AK8: variants seen among roughly 807,000 people sequenced by gnomAD.
The protein encoded by AK8 is ATP-AMP transphosphorylase 8.
AK8 carries 44 observed loss-of-function variants against 54.6 expected under a neutral mutation model. The ratio of observed to expected loss-of-function variants is 0.81; its 90% CI spans 0.63 to 1.04. The LOEUF is 1.04. Among genes scored for constraint, AK8 ranks in the 50% least tolerant of loss-of-function variants. The pLI is 0.00. For missense variants in AK8, 555 were observed against 613.6 expected, an observed-to-expected ratio of 0.90 and a Z score of 1.01; for synonymous variants, 239 against 245.6, an observed-to-expected ratio of 0.97 and a Z score of 0.25.
Position 132,828,060 on chromosome 9 carries a change from A to G in AK8, c.509T>C (p.Val170Ala). 3 of 1,573,914 alleles carry G rather than the reference A, an allele frequency of 1.9e-6. No individual in the cohort carries two copies. In the South Asian group the frequency reaches 3.5e-5, roughly 18 times the overall value. ...HVIVLSAPDT[V>A]LIERNLGKRI... is the part of the protein sequence containing the mutation. ...CTTCCCCAAGTTTCTCTCGATCAGG[A>G]CCGTGTCTGGAGCACTCAGCACAAC... Residue 170 changes from valine (V) to alanine (A), a missense_variant, in exon 7 of 13, where the codon GTC becomes GCC. Coordinates refer to ENST00000298545, the MANE Select transcript of AK8 (RefSeq NM_152572.3).
At chr9:132,876,438 AAACAAGTGATTAGTTTAAATG>A (rs1844103378) in intron 1 of AK8, among the ~76,000 whole-genome samples, 1 of 152,170 alleles carries the variant, frequency 6.6e-6, no homozygotes, top group African/African-American at 2.4e-5. Flanking sequence ...GAGTTGATTT[AAACAAGTGATTAGTTTAAATG>A]GAGGTGCAGT....
chr9:132,789,069 G>A (rs1839835610), intron 11 of AK8, among the ~76,000 whole-genome samples: 2 of 152,220 alleles, frequency 1.3e-5, no homozygotes, highest in Admixed American at 1.3e-4. Flanking sequence ...GCCGAGGTGG[G>A]TGGATCACAA....
In AK8 at chr9:132,870,506, C is replaced by T. The variant is rs577036921; in HGVS notation, c.170-3553G>A. Among the ~76,000 whole-genome samples the T allele has an allele frequency of 2.6e-5, 4 of 152,302 alleles. No homozygotes were observed. In the South Asian group the frequency reaches 6.2e-4, roughly 24 times the overall value. On this transcript the variant is annotated intron_variant, in intron 2 of 12. Coordinates refer to ENST00000298545, the MANE Select transcript of AK8 (RefSeq NM_152572.3). ...CTAATACACAGCTTTCTTGGACAAACGTTTGATAAAAAACGAAACATACCA... is the reference window on the plus strand; with the variant it reads ...CTAATACACAGCTTTCTTGGACAAATGTTTGATAAAAAACGAAACATACCA...
chr9:132,793,954 C>G (rs1003944987), intron 10 of AK8, among the ~76,000 whole-genome samples: 2 of 152,162 alleles, frequency 1.3e-5, no homozygotes, highest in East Asian at 3.9e-4. Flanking sequence ...CTGAAGCACA[C>G]ATTTGAAACC....
chr9:132,733,368 G>A (rs779522061), intron 11 of AK8, among the ~76,000 whole-genome samples: 3 of 152,220 alleles, frequency 2.0e-5, no homozygotes, highest in Non-Finnish European at 4.4e-5. Flanking sequence ...AAACACGGCT[G>A]TCACGGCGGC....
intron 11 of AK8, among the ~76,000 whole-genome samples, chr9:132,753,919 T>C (rs1468294105): frequency 1.3e-5 from 2 of 152,208 alleles, no homozygotes; most frequent in Non-Finnish European, 2.9e-5. Context: ...CTCCATTTTA[T>C]GATGCAGAAG....
In AK8 at chr9:132,790,951, A is replaced by AT. The variant is rs768233632; in HGVS notation, c.1121+1682dup. 1.3e-5 allele frequency among the ~76,000 whole-genome samples: 2 copies of AT among 152,220 alleles called. No individual in the cohort carries two copies. Among genetic ancestry groups the AT allele is most frequent in the East Asian group, 3.8e-4 (2 of 5,202 alleles). On this transcript the variant is annotated intron_variant, in intron 11 of 12. Transcript: ENST00000298545. This position sits in a 1 kb window ranked among gnomAD's most constrained non-coding sequence, Gnocchi z 4.1. The stretch of plus-strand genomic sequence containing the variant: ...ATAATATCAGTAAGAAGAACAAGAG[A>AT]TAATATACCTAGAAATAAAATAAAA...
chr9:132,858,241 GT>G (rs1001965511), intron 4 of AK8, among the ~76,000 whole-genome samples: 2 of 152,146 alleles, frequency 1.3e-5, no homozygotes, highest in Non-Finnish European at 2.9e-5. Flanking sequence ...GCTTTGGTGG[GT>G]TTCCCGGCCT....
In AK8 at chr9:132,770,459, G is replaced by A. The variant is rs1838915812; in HGVS notation, c.1121+22175C>T. ...CAGAACGCTGGCTGGGGTAGGGGGT[G>A]GGGCAGGGGCGAGGGGACACCCTGT... On this transcript the variant is annotated intron_variant, in intron 11 of 12. Transcript: ENST00000298545. This position sits in a 1 kb window ranked among gnomAD's most constrained non-coding sequence, Gnocchi z 4.3. Among the ~76,000 whole-genome samples the A allele has an allele frequency of 6.6e-6, 1 of 152,214 alleles. No homozygotes were observed. Among genetic ancestry groups the A allele is most frequent in the Admixed American group, 6.5e-5 (1 of 15,290 alleles).
In AK8 at chr9:132,725,912, A is replaced by G; in HGVS notation, c.1216T>C (p.Tyr406His). ...PVTGERYHLM[Y>H]KPPPTMEIQA... ...ATCTCCATGGTGGGAGGTGGCTTGT[A>G]CATGAGGTGGTACCTGCAAGGGAGG... is the stretch of plus-strand genomic sequence containing the variant. The change falls in exon 13 of 13, where the codon TAC becomes CAC. Residue 406 changes from tyrosine (Y) to histidine (H), a missense_variant. Tyr to His is a moderately conservative substitution (Grantham distance 83). Transcript: ENST00000298545. The G allele has an allele frequency of 6.2e-7, 1 of 1,611,508 alleles. No homozygotes were observed. Among genetic ancestry groups the G allele is most frequent in the South Asian group, 1.1e-5 (1 of 90,428 alleles).
intron 10 of AK8, among the ~76,000 whole-genome samples, chr9:132,808,514 T>G (rs1316857137): frequency 6.6e-6 from 1 of 152,184 alleles, no homozygotes; most frequent in East Asian, 1.9e-4. Flanking sequence ...TTAATTTTGC[T>G]GCTGATTCGA....
intron 11 of AK8, among the ~76,000 whole-genome samples, chr9:132,752,632 C>G (rs940137629): frequency 2.0e-5 from 3 of 151,790 alleles, no homozygotes; most frequent in African/African-American, 7.3e-5. Flanking sequence ...ACCCTGCCCC[C>G]ACCTTGTTCC....
In AK8 at chr9:132,823,249, CT is replaced by C; in HGVS notation, c.844del (p.Ser282ValfsTer22). ...LLLGPVGSGK[S>X]LQAALLAQKY... ...CTGGGCCAGGAGGGCGGCCTGCAGACTTTTCCCACTGCCCACAGGCCCGAGC... is the reference window on the plus strand; with the variant it reads ...CTGGGCCAGGAGGGCGGCCTGCAGACTTTCCCACTGCCCACAGGCCCGAGC... On this transcript the variant is annotated frameshift_variant, in exon 9 of 13. Coordinates refer to ENST00000298545, the MANE Select transcript of AK8 (RefSeq NM_152572.3). LOFTEE classifies it high-confidence loss of function. 2 of 1,606,790 alleles carry C rather than the reference CT, an allele frequency of 1.2e-6. No homozygotes were observed. Among genetic ancestry groups the C allele is most frequent in the South Asian group, 1.1e-5 (1 of 90,122 alleles).
chr9:132,772,881 C>T (rs1018481549), intron 11 of AK8, among the ~76,000 whole-genome samples: 7 of 152,222 alleles, frequency 4.6e-5, no homozygotes, highest in African/African-American at 1.7e-4. Flanking sequence ...CAGCTACCAC[C>T]CTGGTCCAGG....
At chr9:132,814,866 T>G (rs543385973) in intron 9 of AK8, 139 bp from the exon 10 acceptor site, 79 of 614,056 alleles carry the variant, frequency 1.3e-4, no homozygotes, top group Non-Finnish European at 2.0e-4. Flanking sequence ...TTTCTGTGTG[T>G]GGGTATGTGT....
intron 11 of AK8, among the ~76,000 whole-genome samples, chr9:132,736,024 AT>A (rs1000233824): frequency 1.3e-5 from 2 of 152,208 alleles, no homozygotes; most frequent in African/African-American, 2.4e-5. Flanking sequence ...TTATAATGCA[AT>A]GGTAAGTACT....
intron 4 of AK8, among the ~76,000 whole-genome samples, chr9:132,856,953 C>A (rs1186234790): frequency 6.6e-6 from 1 of 152,052 alleles, no homozygotes; most frequent in Non-Finnish European, 1.5e-5. Flanking sequence ...TATGGGGTCA[C>A]CATGTTTCTA....
At chr9:132,873,095 G>A (rs540140959) in intron 2 of AK8, among the ~76,000 whole-genome samples, 43 of 152,208 alleles carry the variant, frequency 2.8e-4, no homozygotes, top group Non-Finnish European at 5.7e-4. Context: ...TTACAGGCGT[G>A]AGCCACCGCA....
At chr9:132,863,027 T>C (rs530213322) in intron 4 of AK8, among the ~76,000 whole-genome samples, 1 of 152,386 alleles carries the variant, frequency 6.6e-6, no homozygotes, top group South Asian at 2.1e-4. Context: ...AGAGAAATAA[T>C]GTGATCAAGC....
Sources: gnomAD v4.1 joint callset for allele counts (sites outside exome capture counted in the v4.1 genomes callset) on GRCh38, gnomAD v4.1.1 for gene constraint, Gnocchi (gnomAD v3.1) non-coding constraint, MANE v1.5 for transcripts, NCBI Gene and HGNC (gene_info 2026-07-23, HGNC 2026-07-21) for gene names.